Variants in TCF4 observed in about 807,000 individuals in gnomAD.
TCF4 encodes the protein SL3-3 enhancer factor 2.
Under a neutral mutation model 82.1 loss-of-function variants are expected in TCF4, and 3 were observed. The ratio of observed to expected loss-of-function variants is 0.04; its 90% CI spans 0.02 to 0.09. TCF4 has a LOEUF of 0.09. Among genes scored for constraint, TCF4 ranks in the 10% least tolerant of loss-of-function variants. The pLI, the probability that TCF4 is intolerant of heterozygous loss-of-function variation, is 1.00. For missense variants in TCF4, 518 were observed against 852.7 expected (o/e 0.61, Z 4.89); for synonymous variants, 276 against 309.6 (o/e 0.89, Z 1.14).
At chr18:55,275,507 G>T in intron 10 of TCF4, 112 bp downstream of exon 10, 1 of 1,372,530 alleles carries the variant, frequency 7.3e-7, no homozygotes, top group South Asian at 1.2e-5. Flanking sequence ...TAATGGGTGT[G>T]TGCCATTTTT....
At chr18:55,439,094 A>G (rs1257136389) in intron 5 of TCF4, among the ~76,000 whole-genome samples, 1 of 152,130 alleles carries the variant, frequency 6.6e-6, no homozygotes, top group African/African-American at 2.4e-5. Context: ...GGGTGGGAAA[A>G]TGAAGAAAGG....
chr18:55,242,590 C>T (rs928088274), intron 15 of TCF4, among the ~76,000 whole-genome samples: 6 of 151,610 alleles, frequency 4.0e-5, no homozygotes, highest in Non-Finnish European at 5.9e-5. Context: ...ATAAACACGT[C>T]TATGACTTTG....
intron 3 of TCF4, among the ~76,000 whole-genome samples, chr18:55,489,950 T>C (rs886643483): frequency 6.6e-6 from 1 of 152,208 alleles, no homozygotes; most frequent in Non-Finnish European, 1.5e-5. Flanking sequence ...CTGAGCATTA[T>C]TTGAGCACAC....
chr18:55,569,697 G>A (rs560611584), intron 3 of TCF4, among the ~76,000 whole-genome samples: 59 of 152,068 alleles, frequency 3.9e-4, no homozygotes, highest in Non-Finnish European at 5.4e-4. Context: ...ACTTCATGGA[G>A]AAAATTATAA....
chr18:55,614,776 A>T (rs2097710234), intron 2 of TCF4, among the ~76,000 whole-genome samples: 1 of 152,098 alleles, frequency 6.6e-6, no homozygotes. Flanking sequence ...CCATTGTACT[A>T]ATTTATTCTG....
chr18:55,559,868 T>C (rs1189690751), intron 3 of TCF4, among the ~76,000 whole-genome samples: 2 of 152,094 alleles, frequency 1.3e-5, no homozygotes, highest in African/African-American at 4.8e-5. Context: ...CACCCAAAAA[T>C]GCTGCCTCCT....
At chr18:55,434,419 CTTTTTTTT>C in intron 5 of TCF4, among the ~76,000 whole-genome samples, 1 of 118,188 alleles carries the variant, frequency 8.5e-6, no homozygotes, top group East Asian at 2.4e-4. Context: ...ACAGGACATT[CTTTTTTTT>C]TTTTTTTTTT....
chr18:55,297,156 T>TG, intron 8 of TCF4, among the ~76,000 whole-genome samples: 1 of 139,392 alleles, frequency 7.2e-6, no homozygotes, highest in Non-Finnish European at 1.6e-5. Context: ...GGTTTTTTTT[T>TG]TTTTTTTTTT....
intron 3 of TCF4, among the ~76,000 whole-genome samples, chr18:55,505,295 C>A (rs2096741794): frequency 6.6e-6 from 1 of 152,084 alleles, no homozygotes; most frequent in South Asian, 2.1e-4. Flanking sequence ...TTGTCATATG[C>A]TGGATAGCTA....
At chr18:55,285,128 A>T (rs184157274) in intron 8 of TCF4, among the ~76,000 whole-genome samples, 1 of 152,320 alleles carries the variant, frequency 6.6e-6, no homozygotes, top group Admixed American at 6.5e-5. Context: ...AGATAAAGAC[A>T]TTGCTAACTA....
chr18:55,500,982 T>A (rs942668036), intron 3 of TCF4, among the ~76,000 whole-genome samples: 1 of 152,216 alleles, frequency 6.6e-6, no homozygotes, highest in Non-Finnish European at 1.5e-5. Context: ...TATTCCTTTA[T>A]AAATCAATGT....
At chr18:55,498,670 T>C (rs193081864) in intron 3 of TCF4, among the ~76,000 whole-genome samples, 58 of 152,260 alleles carry the variant, frequency 3.8e-4, no homozygotes, top group Middle Eastern at 6.8e-3. Context: ...CCATCAGAGA[T>C]ACAAGGACCT....
At chr18:55,618,378 T>G (rs543680379) in intron 2 of TCF4, among the ~76,000 whole-genome samples, 5 of 152,160 alleles carry the variant, frequency 3.3e-5, no homozygotes, top group African/African-American at 4.8e-5. Context: ...ATTATCCAAT[T>G]TGTTGATATA....
At chr18:55,327,476 T>C (rs1052886859) in intron 8 of TCF4, among the ~76,000 whole-genome samples, 43 of 152,274 alleles carry the variant, frequency 2.8e-4, no homozygotes, top group African/African-American at 9.9e-4. Context: ...AATATCAGCG[T>C]AAACTGTGAA....
chr18:55,472,456 CA>C (rs1286889983), intron 3 of TCF4, among the ~76,000 whole-genome samples: 1 of 152,134 alleles, frequency 6.6e-6, no homozygotes, highest in Non-Finnish European at 1.5e-5. Flanking sequence ...TGCCATTTAG[CA>C]ACCTTTCAAG....
intron 3 of TCF4, among the ~76,000 whole-genome samples, chr18:55,487,757 T>A (rs996904191): frequency 6.6e-6 from 1 of 152,162 alleles, no homozygotes; most frequent in Non-Finnish European, 1.5e-5. Flanking sequence ...GCATAAAAAT[T>A]TCTATGAGAT....
At chr18:55,607,909 C>G (rs1224610191) in intron 2 of TCF4, among the ~76,000 whole-genome samples, 1 of 152,164 alleles carries the variant, frequency 6.6e-6, no homozygotes, top group East Asian at 1.9e-4. Context: ...TACATTTTCA[C>G]TAGACAAATA....
chr18:55,614,015 T>G (rs907147699), intron 2 of TCF4, among the ~76,000 whole-genome samples: 3 of 152,136 alleles, frequency 2.0e-5, no homozygotes, highest in African/African-American at 7.2e-5. Context: ...GCTCAAGTAA[T>G]CCTCTGGTCT....
At chr18:55,340,917 C>T (rs997680969) in intron 8 of TCF4, among the ~76,000 whole-genome samples, 1 of 152,110 alleles carries the variant, frequency 6.6e-6, no homozygotes, top group Non-Finnish European at 1.5e-5. Context: ...CCCCTAAAAA[C>T]CCAGTTGATC....
Sources: gnomAD v4.1 joint callset for allele counts (sites outside exome capture counted in the v4.1 genomes callset) on GRCh38, gnomAD v4.1.1 for gene constraint, MANE v1.5 for transcripts, NCBI Gene and HGNC (gene_info 2026-07-23, HGNC 2026-07-21) for gene names.